The following DNAH5 variants were observed in gnomAD, a reference collection of about 807,000 sequenced individuals.
The protein encoded by DNAH5 is axonemal beta dynein heavy chain 5.
In DNAH5, 372 loss-of-function variants were observed where a neutral mutation model predicts 518.2. That is an observed-to-expected ratio of 0.72 (90% CI 0.66 to 0.78). The LOEUF is 0.78. Among genes scored for constraint, DNAH5 ranks in the 30% least tolerant of loss-of-function variants. DNAH5 has a pLI of 0.00. For synonymous variants in DNAH5, 2,039 were observed against 2,025.9 expected (o/e 1.01, Z -0.17); for missense variants, 5,523 against 5,687.0 (o/e 0.97, Z 0.93).
chr5:13,877,926 G>A (rs1304638643), intron 21 of DNAH5, among the ~76,000 whole-genome samples: 1 of 152,112 alleles, frequency 6.6e-6, no homozygotes, highest in Non-Finnish European at 1.5e-5. Flanking sequence ...GTGCAGAGAC[G>A]GGGCTTTAAA....
chr5:13,778,612 A>AAAAG (rs1000842344), intron 53 of DNAH5, among the ~76,000 whole-genome samples: 1 of 120,864 alleles, frequency 8.3e-6, no homozygotes, highest in Non-Finnish European at 1.9e-5. Context: ...GAGAGAAAGA[A>AAAAG]AAAGAAAGAA....
chr5:13,810,814 A>G (rs1760587823), intron 44 of DNAH5, among the ~76,000 whole-genome samples: 2 of 152,288 alleles, frequency 1.3e-5, no homozygotes, highest in South Asian at 2.1e-4. Context: ...ACCACAGTCA[A>G]GACTTGGAGA....
intron 53 of DNAH5, among the ~76,000 whole-genome samples, chr5:13,779,459 G>A (rs1487022995): frequency 6.6e-6 from 1 of 152,106 alleles, no homozygotes; most frequent in Non-Finnish European, 1.5e-5. Flanking sequence ...CCCTCAATGA[G>A]ACAGGTCAGC....
In DNAH5 at chr5:13,809,128, G is replaced by C; in HGVS notation, c.7668C>G (p.Thr2556=). 1 of 1,614,052 alleles carries C rather than the reference G, an allele frequency of 6.2e-7. No individual in the cohort carries two copies. ...GCACCAGAATAGAACCATACTCTGG[G>C]GTGGTATCAGACGGATACAGGTATT... The part of the protein sequence containing the change: ...TQEYLYPSDT[T]PEYGSILVPN... The change falls in exon 46 of 79, where the codon ACC becomes ACG. Residue 2556 remains threonine, a synonymous_variant. Coordinates refer to ENST00000265104, the MANE Select transcript of DNAH5 (RefSeq NM_001369.3).
intron 1 of DNAH5, among the ~76,000 whole-genome samples, chr5:13,953,268 T>A (rs1031198418): frequency 1.3e-5 from 2 of 152,150 alleles, no homozygotes; most frequent in Non-Finnish European, 2.9e-5. Flanking sequence ...CCAATTAAAG[T>A]GAATGTGTAT....
rs748412220 is a variant in DNAH5, at chr5:13,752,253, G to A, written c.10909C>T (p.Leu3637=). ...CTTCCAAGAGAAAGGCTGTCTTCCA[G>A]GTGGTTTCTGAAGTACTTGTGATTT... ...SLNHKYFRNH[L]EDSLSLGRPL... Residue 3637 remains leucine, a synonymous_variant, in exon 64 of 79, where the codon CTG becomes TTG. Coordinates refer to ENST00000265104, the MANE Select transcript of DNAH5 (RefSeq NM_001369.3). 9 of 1,614,028 alleles carry A rather than the reference G, an allele frequency of 5.6e-6. No individual in the cohort carries two copies. The highest frequency in any genetic ancestry group is 3.3e-5 in the Admixed American group (2 of 60,008).
chr5:13,921,456 C>CTCTA (rs1777255254), intron 5 of DNAH5, among the ~76,000 whole-genome samples: 1 of 143,814 alleles, frequency 7.0e-6, no homozygotes, highest in African/African-American at 2.6e-5. Context: ...CTCTCTCTCT[C>CTCTA]TCTTGCTCTA....
rs777072788 is a variant in DNAH5 at position 13,752,119 on chromosome 5, A to G, written c.11028+15T>C. ...GTAATTGTTCTGCACATTGTCATCCATAGGTTTAACCTACCTTAAAGGTAG... is the reference window on the plus strand; with the variant it reads ...GTAATTGTTCTGCACATTGTCATCCGTAGGTTTAACCTACCTTAAAGGTAG... On this transcript the variant is annotated intron_variant, in intron 64 of 78. Transcript: ENST00000265104. 6.2e-7 allele frequency: 1 copy of G among 1,613,552 alleles called. No individual in the cohort carries two copies. The highest frequency in any genetic ancestry group is 1.1e-5 in the South Asian group (1 of 91,066).
At chr5:13,982,110 A>G (rs1293685850) in intron 1 of DNAH5, among the ~76,000 whole-genome samples, 2 of 152,276 alleles carry the variant, frequency 1.3e-5, no homozygotes, top group Non-Finnish European at 2.9e-5. Context: ...CTGTGCTGCC[A>G]AACTGCAAGG....
chr5:13,749,160 A>G (rs1317399682), intron 65 of DNAH5, among the ~76,000 whole-genome samples: 1 of 152,068 alleles, frequency 6.6e-6, no homozygotes, highest in East Asian at 1.9e-4. Context: ...CTATCACAAG[A>G]CCTCATTTTG....
intron 1 of DNAH5, among the ~76,000 whole-genome samples, chr5:13,975,228 A>G (rs1344291761): frequency 6.6e-6 from 1 of 152,198 alleles, no homozygotes; most frequent in African/African-American, 2.4e-5. Flanking sequence ...GCGGCAAGAA[A>G]GAGAATGAGA....
At chr5:13,769,457 G>A (rs1753008990) in intron 57 of DNAH5, 44 bp downstream of exon 57, 1 of 1,479,436 alleles carries the variant, frequency 6.8e-7, no homozygotes, top group Non-Finnish European at 9.5e-7. Flanking sequence ...CTTGTGAACT[G>A]AGAATTCAAA....
chr5:13,692,145 A>T lies in DNAH5; in HGVS notation c.13724-10T>A. On this transcript the variant is annotated splice_polypyrimidine_tract_variant and intron_variant, in intron 78 of 78. Coordinates refer to ENST00000265104, the MANE Select transcript of DNAH5 (RefSeq NM_001369.3). ...CGAGGATCTCGTAAAGCTACAAAAA[A>T]CATAAAAGAAAAGAACTTGGTGAAA... The T allele has an allele frequency of 6.2e-7, 1 of 1,613,944 alleles. No individual in the cohort carries two copies. The highest frequency in any genetic ancestry group is 8.5e-7 in the Non-Finnish European group (1 of 1,179,926).
intron 11 of DNAH5, among the ~76,000 whole-genome samples, chr5:13,912,417 GTA>G (rs140882792): frequency 1.1e-4 from 17 of 150,170 alleles, no homozygotes; most frequent in Admixed American, 8.0e-4. Context: ...GTGTGTGTAT[GTA>G]TATATATATA....
rs561280268 is a variant in DNAH5 at position 13,823,318 on chromosome 5, T to C, written c.6632A>G (p.Asn2211Ser). The C allele has an allele frequency of 9.5e-5, 154 of 1,614,014 alleles. No homozygotes were observed. Among genetic ancestry groups the C allele is most frequent in the Non-Finnish European group, 1.3e-4 (148 of 1,179,962 alleles). Reference protein sequence around the residue: ...FLSLIEDLFPNILLDKAGYPE... With the variant: ...FLSLIEDLFPSILLDKAGYPE... ...GTAACCTGCCTTGTCCAGAAGAATATTTGGAAAGAGATCTTCAATCAAACT... is the reference window on the plus strand; with the variant it reads ...GTAACCTGCCTTGTCCAGAAGAATACTTGGAAAGAGATCTTCAATCAAACT... Residue 2211 changes from asparagine to serine, a missense_variant, in exon 40 of 79, where the codon AAT becomes AGT. Transcript: ENST00000265104.
chr5:13,862,499 T>C (rs769308775), intron 29 of DNAH5, 49 bp downstream of exon 29: 1 of 1,547,642 alleles, frequency 6.5e-7, no homozygotes, highest in South Asian at 1.1e-5. Context: ...TTTAAATGTT[T>C]GCTATTACGG....
intron 60 of DNAH5, among the ~76,000 whole-genome samples, chr5:13,761,427 A>C (rs1751755953): frequency 6.6e-6 from 1 of 152,032 alleles, no homozygotes; most frequent in African/African-American, 2.4e-5. Context: ...CCCCATCTCT[A>C]CTAAAAATAC....
chr5:13,718,435 T>TGGG (rs1433010984), intron 72 of DNAH5, among the ~76,000 whole-genome samples: 1 of 152,174 alleles, frequency 6.6e-6, no homozygotes, highest in African/African-American at 2.4e-5. Flanking sequence ...CCAGTCATGA[T>TGGG]GGGGGCATTT....
At chr5:13,987,144 T>C (rs765490312) in intron 1 of DNAH5, among the ~76,000 whole-genome samples, 5 of 152,080 alleles carry the variant, frequency 3.3e-5, no homozygotes, top group Non-Finnish European at 7.3e-5. Context: ...CCTGCCCTCA[T>C]ATTGATTCTC....
Sources: allele counts gnomAD v4.1 joint callset (sites outside exome capture counted in the v4.1 genomes callset), GRCh38; gene constraint gnomAD v4.1.1; transcripts MANE v1.5; gene names NCBI Gene and HGNC (gene_info 2026-07-23, HGNC 2026-07-21).